The following KIRREL2 variants were observed in gnomAD, a reference collection of about 807,000 sequenced individuals.
KIRREL2 encodes kirre like nephrin family adhesion molecule 2.
KIRREL2 carries 56 observed loss-of-function variants against 73.4 expected under a neutral mutation model. That is an observed-to-expected ratio of 0.76 (90% confidence interval 0.62 to 0.95). The LOEUF is 0.95. Ranked by LOEUF, KIRREL2 falls within the 40% of genes least tolerant of loss-of-function variation. The pLI, the probability that KIRREL2 is intolerant of heterozygous loss-of-function variation, is 0.00. For missense variants in KIRREL2, 896 were observed against 935.0 expected, an observed-to-expected ratio of 0.96 and a Z score of 0.54; for synonymous variants, 407 against 404.0, an observed-to-expected ratio of 1.01 and a Z score of -0.09.
intron 13 of KIRREL2, 36 bp downstream of exon 13, chr19:35,863,072 C>A: frequency 6.6e-6 from 8 of 1,208,266 alleles, no homozygotes; most frequent in Non-Finnish European, 9.6e-6. Flanking sequence ...GACTGTGCCT[C>A]CAGACCTAAA....
intron 13 of KIRREL2, among the ~76,000 whole-genome samples, chr19:35,864,233 C>T (rs2146880694): frequency 6.6e-6 from 1 of 152,024 alleles, no homozygotes; most frequent in African/African-American, 2.4e-5. Context: ...CTCTGTCGTC[C>T]AAGCTGGAAT....
chr19:35,865,173 CT>C (rs35569940), intron 14 of KIRREL2, among the ~76,000 whole-genome samples: 6 of 105,174 alleles, frequency 5.7e-5, no homozygotes, highest in African/African-American at 1.6e-4. Flanking sequence ...TCTCTCTCTT[CT>C]TTTTTTTTTT....
upstream of KIRREL2, among the ~76,000 whole-genome samples, chr19:35,854,129 G>A (rs807659): frequency 0.064 from 9,763 of 151,880 alleles, 952 homozygotes; most frequent in African/African-American, 0.21. Context: ...ACAGGTGGGA[G>A]CCGCTGCACC....
intron 13 of KIRREL2, 136 bp downstream of exon 13, chr19:35,863,172 G>A (rs981451585): frequency 1.0e-5 from 6 of 600,878 alleles, no homozygotes; most frequent in African/African-American, 3.7e-5. Flanking sequence ...ACTTTGGGAG[G>A]TGGAGACACA....
chr19:35,861,139 C>A lies in KIRREL2; in HGVS notation c.1074C>A (p.Ala358=). The part of the protein sequence containing the change: ...RGGAQVLGSG[A]TLRLPSVGPE... ...TGTCGCAGGTGCTGGGCTCTGGAGC[C>A]ACACTGCGTCTTCCGTCGGTGGGGC... Residue 358 remains alanine, a synonymous_variant, in exon 9 of 15, where the codon GCC becomes GCA. Coordinates refer to ENST00000360202, the MANE Select transcript of KIRREL2 (RefSeq NM_199180.4). 1 of 1,599,498 alleles carries A rather than the reference C, an allele frequency of 6.3e-7. No homozygotes were observed. The highest frequency in any genetic ancestry group is 8.5e-7 in the Non-Finnish European group (1 of 1,173,716).
chr19:35,852,062 TA>T (rs1973281075), upstream of KIRREL2, among the ~76,000 whole-genome samples: 1 of 151,706 alleles, frequency 6.6e-6, no homozygotes, highest in Non-Finnish European at 1.5e-5. Flanking sequence ...TCTGTCTCTT[TA>T]AAAAAACTTT....
chr19:35,860,546 CG>C lies in KIRREL2; in HGVS notation c.811del (p.Ala271ProfsTer6). 2 of 1,603,124 alleles carry C rather than the reference CG, an allele frequency of 1.2e-6. No individual in the cohort carries two copies. Among genetic ancestry groups the C allele is most frequent in the Non-Finnish European group, 8.5e-7 (1 of 1,179,944 alleles). On this transcript the variant is annotated frameshift_variant, in exon 7 of 15. Coordinates refer to ENST00000360202, the MANE Select transcript of KIRREL2 (RefSeq NM_199180.4). LOFTEE classifies it high-confidence loss of function. ...GGGCAAAAGGGGGCTCTCCGGTGCT[CG>C]GGGCCCGCGGGCCAAGGTTAGAGGT... ...RWAKGGSPVL[G>X]ARGPRLEVVA...
rs768737592 is a variant in KIRREL2, at chr19:35,866,585, C to G, written c.*93C>G. The G allele has an allele frequency of 6.4e-7, 1 of 1,561,606 alleles. No individual in the cohort carries two copies. Among genetic ancestry groups the G allele is most frequent in the Non-Finnish European group, 8.7e-7 (1 of 1,143,086 alleles). The stretch of plus-strand genomic sequence containing the variant: ...GCCAGGACAAGTTGGCGACCTTACT[C>G]CTCCAAAACTGAACACAAGGGGAGG... On this transcript the variant is annotated 3_prime_UTR_variant, in exon 15 of 15. Coordinates refer to ENST00000360202, the MANE Select transcript of KIRREL2 (RefSeq NM_199180.4).
chr19:35,856,777 G>A (rs1973438672), upstream of KIRREL2: 2 of 362,756 alleles, frequency 5.5e-6, no homozygotes, highest in East Asian at 6.5e-5. The surrounding 1 kb of genome is among the most constrained non-coding windows in gnomAD (Gnocchi z 5.9). Context: ...GCGCCCACCC[G>A]CCGGGGGATC....
rs1413614348 is a variant in KIRREL2 at position 35,862,515 on chromosome 19, A to T, written c.1533A>T (p.Ile511=). The T allele has an allele frequency of 6.2e-7, 1 of 1,609,938 alleles. No individual in the cohort carries two copies. The highest frequency in any genetic ancestry group is 8.5e-7 in the Non-Finnish European group (1 of 1,179,884). The part of the protein sequence containing the change: ...GRRDLLPTVR[I]VAGVAAATTT... ...CAGACTTGCTGCCCACTGTGCGGAT[A>T]GTGGCCGGAGTGGCCGCTGCCACCA... is the stretch of plus-strand genomic sequence containing the variant. The change falls in exon 12 of 15, where the codon ATA becomes ATT. Residue 511 remains isoleucine (I), a synonymous_variant. Transcript: ENST00000360202.
intron 13 of KIRREL2, among the ~76,000 whole-genome samples, 157 bp downstream of exon 13, chr19:35,863,193 A>C (rs1202504959): frequency 1.3e-5 from 2 of 151,966 alleles, no homozygotes; most frequent in Non-Finnish European, 2.9e-5. Flanking sequence ...AGGATCACTT[A>C]AGGCCAGGAA....
At chr19:35,861,465 G>A (rs973651616) in intron 9 of KIRREL2, 76 bp from the exon 10 acceptor site, 142 of 1,515,168 alleles carry the variant, frequency 9.4e-5, no homozygotes, top group Non-Finnish European at 1.2e-4. Context: ...AGAGTGCGCT[G>A]GACAGACCCG....
chr19:35,861,440 G>A (rs1973679080), intron 9 of KIRREL2, 101 bp from the exon 10 acceptor site: 10 of 1,461,268 alleles, frequency 6.8e-6, no homozygotes, highest in South Asian at 4.8e-5. Context: ...TGGCCTGATT[G>A]ATTGAGGTTA....
chr19:35,864,788 C>T, intron 14 of KIRREL2, 75 bp downstream of exon 14: 1 of 1,153,164 alleles, frequency 8.7e-7, no homozygotes, highest in Non-Finnish European at 1.3e-6. Context: ...TTCCGTCTCT[C>T]TCCCACGCCT....
Position 35,861,959 on chromosome 19 carries a change from G to A in KIRREL2, c.1445G>A (p.Ser482Asn). Residue 482 changes from serine (S) to asparagine (N), a missense_variant, in exon 11 of 15, where the codon AGC becomes AAC. By Grantham distance (46) the Ser-to-Asn change is conservative. Coordinates refer to ENST00000360202, the MANE Select transcript of KIRREL2 (RefSeq NM_199180.4). ...SGTQESDFSRSFNCSARNRLG... is the reference protein window; with the variant it reads ...SGTQESDFSRNFNCSARNRLG... ...ACCCAGGAGTCTGACTTTAGCAGGA[G>A]CTTTAACTGCAGTGCCCGGAACCGG... The A allele has an allele frequency of 2.5e-6, 4 of 1,613,284 alleles. No individual in the cohort carries two copies. The highest frequency in any genetic ancestry group is 3.4e-6 in the Non-Finnish European group (4 of 1,179,758).
rs765343811 is a variant in KIRREL2 at position 35,861,581 on chromosome 19, C to T, written c.1230C>T (p.Phe410=). 1.2e-6 allele frequency: 2 copies of T among 1,613,658 alleles called. No homozygotes were observed. Among genetic ancestry groups the T allele is most frequent in the Non-Finnish European group, 1.7e-6 (2 of 1,179,918 alleles). Residue 410 remains phenylalanine, a synonymous_variant, in exon 10 of 15, where the codon TTC becomes TTT. Transcript: ENST00000360202. The part of the protein sequence containing the change: ...VVTALHSAPA[F]LRGPARLQCL... ...CCGCCCTGCACTCTGCGCCTGCCTTCCTGAGGGGCCCTGCTCGCCTCCAGT... is the reference window on the plus strand; with the variant it reads ...CCGCCCTGCACTCTGCGCCTGCCTTTCTGAGGGGCCCTGCTCGCCTCCAGT...
rs776405588 is a variant in KIRREL2 at position 35,858,474 on chromosome 19, T to C, written c.278T>C (p.Val93Ala). ...CAGCATGACCTCCACATTAGGCCCGTGGAGCTAGAGGATGAAGCATCATAT... is the reference window on the plus strand; with the variant it reads ...CAGCATGACCTCCACATTAGGCCCGCGGAGCTAGAGGATGAAGCATCATAT... ...NGQHDLHIRP[V>A]ELEDEASYEC... The change falls in exon 3 of 15, where the codon GTG becomes GCG. Residue 93 changes from valine (V) to alanine (A), a missense_variant. By Grantham distance (64) the Val-to-Ala change is moderately conservative. Transcript: ENST00000360202. 2.5e-6 allele frequency: 4 copies of C among 1,614,106 alleles called. No homozygotes were observed. Among genetic ancestry groups the C allele is most frequent in the Non-Finnish European group, 3.4e-6 (4 of 1,180,024 alleles).
intron 1 of KIRREL2, 62 bp downstream of exon 1, chr19:35,857,242 T>C (rs1973461159): frequency 1.2e-6 from 2 of 1,601,910 alleles, no homozygotes; most frequent in South Asian, 2.2e-5. Context: ...GCGGGCTGCC[T>C]CTTCACTAGC....
chr19:35,866,473 G>A lies in KIRREL2; in HGVS notation c.2108G>A (p.Arg703His), dbSNP rs748712036. Residue 703 changes from arginine (R) to histidine (H), a missense_variant, in exon 15 of 15, where the codon CGT becomes CAT. Coordinates refer to ENST00000360202, the MANE Select transcript of KIRREL2 (RefSeq NM_199180.4). ...GCCTTCCCCACACCTAGCCACCCGCGTCTCCAGACTCACGTGTGACATCTT... is the reference window on the plus strand; with the variant it reads ...GCCTTCCCCACACCTAGCCACCCGCATCTCCAGACTCACGTGTGACATCTT... ...YAAFPTPSHP[R>H]LQTHV 1.6e-5 allele frequency: 26 copies of A among 1,611,684 alleles called. No individual in the cohort carries two copies. Among genetic ancestry groups the A allele is most frequent in the Middle Eastern group, 1.6e-4 (1 of 6,076 alleles).
Sources: allele counts gnomAD v4.1 joint callset (sites outside exome capture counted in the v4.1 genomes callset), GRCh38; gene constraint gnomAD v4.1.1; non-coding constraint Gnocchi (gnomAD v3.1); transcripts MANE v1.5; gene names NCBI Gene and HGNC (gene_info 2026-07-23, HGNC 2026-07-21).